The following RFESD variants were observed in gnomAD, a reference collection of about 807,000 sequenced individuals.
RFESD encodes the protein Rieske domain-containing protein.
A neutral mutation model predicts 24.4 loss-of-function variants in RFESD; 16 were observed. The ratio of observed to expected loss-of-function variants is 0.66; its 90% CI spans 0.44 to 1.00. RFESD has a LOEUF of 1.00. RFESD is among the 50% of genes least tolerant of loss of function. RFESD has a pLI of 0.00. For synonymous variants in RFESD, 59 were observed against 81.8 expected (o/e 0.72, Z 1.50); for missense variants, 208 against 247.0 (o/e 0.84, Z 1.06).
At chr5:95,652,778 G>A (rs213508) in intron 2 of RFESD, 108,147 of 285,708 alleles carry the variant, frequency 0.38, 21,024 homozygotes, top group African/African-American at 0.44. Context: ...TGCTACTGTT[G>A]TTATTACTTT....
intron 5 of RFESD, among the ~76,000 whole-genome samples, chr5:95,655,759 C>T (rs908502625): frequency 1.3e-5 from 2 of 152,068 alleles, no homozygotes; most frequent in African/African-American, 4.8e-5. Flanking sequence ...GTCAAGGAGG[C>T]GACATTAACA....
Position 95,656,144 on chromosome 5 carries a change from T to C in RFESD, c.468T>C (p.Asp156=). The C allele has an allele frequency of 6.2e-7, 1 of 1,613,938 alleles. No homozygotes were observed. Among genetic ancestry groups the C allele is most frequent in the South Asian group, 1.1e-5 (1 of 91,060 alleles). The stretch of plus-strand genomic sequence containing the variant: ...TGTACCAGTCTATAAACCCTAAAGA[T>C]CCATCAGCAAAACCCAAGTGGTGCT... ...EGLYQSINPK[D]PSAKPKWCSK... is the part of the protein sequence containing the mutation. Residue 156 remains aspartate, a synonymous_variant, in exon 6 of 6, where the codon GAT becomes GAC. Coordinates refer to ENST00000380005, the MANE Select transcript of RFESD (RefSeq NM_001131066.2).
chr5:95,653,300 C>T, intron 3 of RFESD, 86 bp downstream of exon 3: 1 of 1,521,988 alleles, frequency 6.6e-7, no homozygotes, highest in Admixed American at 2.1e-5. Flanking sequence ...CAACTGTGTA[C>T]TCCAGGCAAA....
intron 1 of RFESD, chr5:95,647,786 G>A (rs1293730916): frequency 6.6e-6 from 1 of 151,956 alleles, no homozygotes; most frequent in African/African-American, 2.4e-5. Context: ...TTATAAAAAC[G>A]TGGGTGCTAC....
chr5:95,654,034 T>A, intron 3 of RFESD, 27 bp from the exon 4 acceptor site: 1 of 1,596,018 alleles, frequency 6.3e-7, no homozygotes, highest in Non-Finnish European at 8.5e-7. Context: ...ATACTTCTTG[T>A]AACTTTCCTT....
Position 95,652,243 on chromosome 5 carries a change from C to G in RFESD, c.-29C>G. ...TGGACACTCTACTGATCTTGCCTCT[C>G]TACAACCTCTCTTCCACCTGACCTC... On this transcript the variant is annotated 5_prime_UTR_variant, in exon 2 of 6. Coordinates refer to ENST00000380005, the MANE Select transcript of RFESD (RefSeq NM_001131066.2). 3.2e-6 allele frequency: 5 copies of G among 1,545,786 alleles called. No homozygotes were observed. The highest frequency in any genetic ancestry group is 4.4e-6 in the Non-Finnish European group (5 of 1,143,382).
At chr5:95,647,981 G>A (rs1305297679) in intron 1 of RFESD, 1 of 152,042 alleles carries the variant, frequency 6.6e-6, no homozygotes, top group African/African-American at 2.4e-5. Context: ...TAAAAGCAAG[G>A]GTGTCATACT....
intron 5 of RFESD, 122 bp from the exon 6 acceptor site, chr5:95,655,924 T>C: frequency 2.5e-6 from 2 of 807,570 alleles, no homozygotes; most frequent in Admixed American, 2.7e-5. Context: ...AATTTGTACA[T>C]AGGAGGAAAA....
chr5:95,650,855 T>C (rs964358163), intron 1 of RFESD, among the ~76,000 whole-genome samples: 2 of 152,074 alleles, frequency 1.3e-5, no homozygotes. Context: ...TCCCAGCACA[T>C]TGGGAGGCCG....
At chr5:95,653,795 G>A (rs546058969) in intron 3 of RFESD, among the ~76,000 whole-genome samples, 2 of 152,238 alleles carry the variant, frequency 1.3e-5, no homozygotes, top group South Asian at 4.1e-4. Context: ...CTACTCGGGA[G>A]GCCAAGGCAG....
intron 2 of RFESD, chr5:95,652,877 T>C: frequency 2.1e-6 from 1 of 469,994 alleles, no homozygotes. Flanking sequence ...CCATTGTTGT[T>C]TTGCTATAAT....
At chr5:95,649,949 C>G (rs967113621) in intron 1 of RFESD, among the ~76,000 whole-genome samples, 1 of 152,024 alleles carries the variant, frequency 6.6e-6, no homozygotes, top group African/African-American at 2.4e-5. Context: ...TCTTATTACC[C>G]CTCTGTTCTG....
At chr5:95,655,869 G>A in intron 5 of RFESD, 177 bp from the exon 6 acceptor site, 1 of 578,876 alleles carries the variant, frequency 1.7e-6, no homozygotes, top group African/African-American at 1.9e-5. Flanking sequence ...AACTGTAAAA[G>A]AGCTTGATGA....
chr5:95,649,310 C>G (rs1750221713), intron 1 of RFESD, among the ~76,000 whole-genome samples: 1 of 152,096 alleles, frequency 6.6e-6, no homozygotes, highest in Admixed American at 6.5e-5. Flanking sequence ...TTTTCACTTG[C>G]AATTATGTTT....
At chr5:95,648,683 A>G (rs1183692785) in intron 1 of RFESD, among the ~76,000 whole-genome samples, 1 of 152,180 alleles carries the variant, frequency 6.6e-6, no homozygotes, top group Non-Finnish European at 1.5e-5. Flanking sequence ...ATTTAGCCCC[A>G]GTCTTCTCTG....
intron 1 of RFESD, among the ~76,000 whole-genome samples, chr5:95,649,093 A>G (rs1271815831): frequency 6.6e-6 from 1 of 151,810 alleles, no homozygotes; most frequent in Non-Finnish European, 1.5e-5. Context: ...ACATAAATAT[A>G]CATTAGGATA....
chr5:95,652,222 C>T lies in RFESD; in HGVS notation c.-50C>T, dbSNP rs938369279. On this transcript the variant is annotated 5_prime_UTR_variant, in exon 2 of 6. Transcript: ENST00000380005. ...TTCATTTGATTAGCAATAGATTGGACACTCTACTGATCTTGCCTCTCTACA... is the reference window on the plus strand; with the variant it reads ...TTCATTTGATTAGCAATAGATTGGATACTCTACTGATCTTGCCTCTCTACA... 6.6e-7 allele frequency: 1 copy of T among 1,524,114 alleles called. No individual in the cohort carries two copies. Among genetic ancestry groups the T allele is most frequent in the Non-Finnish European group, 8.9e-7 (1 of 1,129,260 alleles). The allele number at this position is 1,524,114 out of a possible 1,614,324, so 94.4% of individuals were successfully genotyped here.
chr5:95,648,355 A>ATTTT (rs1750187088), intron 1 of RFESD, among the ~76,000 whole-genome samples: 1 of 152,186 alleles, frequency 6.6e-6, no homozygotes, highest in Non-Finnish European at 1.5e-5. Flanking sequence ...AAACTGTATG[A>ATTTT]GTTGTTTAAT....
intron 1 of RFESD, among the ~76,000 whole-genome samples, chr5:95,650,944 A>G (rs1256393726): frequency 6.6e-6 from 1 of 151,984 alleles, no homozygotes; most frequent in African/African-American, 2.4e-5. Flanking sequence ...TAAAAATACA[A>G]AAAATTATCC....
Sources: gnomAD v4.1 joint callset for allele counts (sites outside exome capture counted in the v4.1 genomes callset) on GRCh38, gnomAD v4.1.1 for gene constraint, MANE v1.5 for transcripts, NCBI Gene and HGNC (gene_info 2026-07-23, HGNC 2026-07-21) for gene names.